Variants in HAO1 observed in about 807,000 individuals in gnomAD.
HAO1 encodes the protein 2-Hydroxyacid oxidase 1.
A neutral mutation model predicts 39.7 loss-of-function variants in HAO1; 34 were observed. That is an observed-to-expected ratio of 0.86 (90% confidence interval 0.65 to 1.14). The LOEUF is 1.14. Ranked by LOEUF, HAO1 falls within the 50% of genes most tolerant of loss-of-function variation. The pLI is 0.00. For synonymous variants in HAO1, 172 were observed against 173.2 expected (o/e 0.99, Z 0.05); for missense variants, 479 against 464.5 (o/e 1.03, Z -0.29).
At chr20:7,903,293 T>C (rs1437886128) in intron 4 of HAO1, among the ~76,000 whole-genome samples, 1 of 125,542 alleles carries the variant, frequency 8.0e-6, no homozygotes, top group Non-Finnish European at 1.6e-5. Flanking sequence ...TCCTTATCTT[T>C]TTTTTTTTTT....
chr20:7,903,850 T>TGTGGTAGCGGTGGTGGTGGTG lies in HAO1; in HGVS notation c.721+2283_721+2303dup, dbSNP rs1307607912. 3.7e-3 allele frequency among the ~76,000 whole-genome samples: 136 copies of TGTGGTAGCGGTGGTGGTGGTG among 36,916 alleles called. 2 individuals are homozygous for TGTGGTAGCGGTGGTGGTGGTG. Among genetic ancestry groups the TGTGGTAGCGGTGGTGGTGGTG allele is most frequent in the African/African-American group, 0.018 (120 of 6,746 alleles). The allele number at this position is 36,916 out of a possible 152,430, so 24.2% of individuals were successfully genotyped here. A position where few individuals can be genotyped will look rare whatever the true frequency, so the allele number is the denominator to read the frequency against. ...TGGTGGTTGTCCTGGTAATGGAGAT[T>TGTGGTAGCGGTGGTGGTGGTG]GTGGTAGCGGTGGTGGTGGTGGTGG... On this transcript the variant is annotated intron_variant, in intron 4 of 7. Transcript: ENST00000378789.
intron 7 of HAO1, among the ~76,000 whole-genome samples, chr20:7,885,044 AAAG>A (rs1404575909): frequency 6.6e-6 from 1 of 152,128 alleles, no homozygotes; most frequent in African/African-American, 2.4e-5. Flanking sequence ...GTGTGAGAGA[AAAG>A]AAGAGTCAAG....
intron 2 of HAO1, among the ~76,000 whole-genome samples, chr20:7,922,205 T>C (rs980735205): frequency 6.6e-6 from 1 of 152,112 alleles, no homozygotes; most frequent in Non-Finnish European, 1.5e-5. Context: ...AGAAGCTCAG[T>C]ATCACTAATT....
At chr20:7,899,920 A>T (rs1466494579) in intron 4 of HAO1, among the ~76,000 whole-genome samples, 1 of 152,170 alleles carries the variant, frequency 6.6e-6, no homozygotes, top group African/African-American at 2.4e-5. Flanking sequence ...GGGCAGTGGC[A>T]TTGTTTGCTA....
chr20:7,913,546 T>C (rs2050290589), intron 3 of HAO1, among the ~76,000 whole-genome samples: 4 of 152,194 alleles, frequency 2.6e-5, no homozygotes, highest in Admixed American at 1.3e-4. Context: ...AGGAAAGAGA[T>C]AATAATTCAC....
At chr20:7,909,385 A>ATATATATATATATATATATATATG (rs2050266466) in intron 3 of HAO1, among the ~76,000 whole-genome samples, 2 of 112,610 alleles carry the variant, frequency 1.8e-5, no homozygotes, top group African/African-American at 7.8e-5. Flanking sequence ...ATATGTATAT[A>ATATATATATATATATATATATATG]TATATATATA....
At chr20:7,889,695 T>G (rs569737448) in intron 5 of HAO1, among the ~76,000 whole-genome samples, 1 of 152,350 alleles carries the variant, frequency 6.6e-6, no homozygotes, top group East Asian at 1.9e-4. Context: ...TATATTAGCC[T>G]GGTGCAAAAG....
In HAO1 at chr20:7,932,644, AATATCATTCTACATTATTGCACTCTTCCT is replaced by A. The variant is rs538535000; in HGVS notation, c.289+1811_289+1839del. ...CTGATTTCTCACAATTTTAAATTAAAATATCATTCTACATTATTGCACTCTTCCTATAGTATAATTTTTAAATTTGATGT... is the reference window on the plus strand; with the variant it reads ...CTGATTTCTCACAATTTTAAATTAAAATAGTATAATTTTTAAATTTGATGT... On this transcript the variant is annotated intron_variant, in intron 2 of 7. Coordinates refer to ENST00000378789, the MANE Select transcript of HAO1 (RefSeq NM_017545.3). Among the ~76,000 whole-genome samples, 44 of 152,298 alleles carry A rather than the reference AATATCATTCTACATTATTGCACTCTTCCT, an allele frequency of 2.9e-4. No homozygotes were observed. The South Asian group carries it at 8.5e-3, about 29-fold the overall frequency.
intron 1 of HAO1, among the ~76,000 whole-genome samples, 199 bp downstream of exon 1, chr20:7,940,087 C>T (rs1043534615): frequency 6.6e-6 from 1 of 152,102 alleles, no homozygotes; most frequent in East Asian, 1.9e-4. Flanking sequence ...CAGTCAGTTC[C>T]TCAAGATTCA....
chr20:7,928,994 C>T (rs985909709), intron 2 of HAO1, among the ~76,000 whole-genome samples: 1 of 152,122 alleles, frequency 6.6e-6, no homozygotes, highest in Admixed American at 6.5e-5. Flanking sequence ...GATGTGGCTG[C>T]CCCCTTCTGA....
At chr20:7,906,510 A>T (rs1331944091) in intron 3 of HAO1, among the ~76,000 whole-genome samples, 181 bp from the exon 4 acceptor site, 1 of 152,140 alleles carries the variant, frequency 6.6e-6, no homozygotes, top group Admixed American at 6.5e-5. Context: ...TAAATGTGAT[A>T]CTCTAGTGGT....
intron 4 of HAO1, among the ~76,000 whole-genome samples, chr20:7,897,832 T>G (rs1474422203): frequency 6.6e-6 from 1 of 152,204 alleles, no homozygotes; most frequent in East Asian, 1.9e-4. Context: ...GATGCTAAAT[T>G]TTCCATTTAT....
chr20:7,913,445 T>G (rs16994134), intron 3 of HAO1, among the ~76,000 whole-genome samples: 1 of 151,962 alleles, frequency 6.6e-6, no homozygotes, highest in East Asian at 1.9e-4. Flanking sequence ...GGAAAAGAGG[T>G]GTATAGCTTA....
At chr20:7,929,736 T>C (rs1039643761) in intron 2 of HAO1, among the ~76,000 whole-genome samples, 5 of 152,102 alleles carry the variant, frequency 3.3e-5, no homozygotes, top group African/African-American at 4.8e-5. Context: ...TCGCGGTGCG[T>C]GCCTATAGTC....
intron 3 of HAO1, among the ~76,000 whole-genome samples, chr20:7,909,333 T>A (rs1600112244): frequency 7.0e-6 from 1 of 142,196 alleles, no homozygotes; most frequent in Non-Finnish European, 1.5e-5. Context: ...GAAACCTCCA[T>A]GAATGCTATT....
intron 5 of HAO1, among the ~76,000 whole-genome samples, chr20:7,891,135 A>G (rs6055369): frequency 0.12 from 18,407 of 152,198 alleles, 3,280 homozygotes; most frequent in African/African-American, 0.39. Context: ...TGTTTTCCAT[A>G]GTGGCTGTAC....
intron 2 of HAO1, among the ~76,000 whole-genome samples, chr20:7,927,475 C>T (rs2050364866): frequency 6.6e-6 from 1 of 152,108 alleles, no homozygotes; most frequent in Admixed American, 6.6e-5. Context: ...ATAAGATTTA[C>T]AACTATTAAA....
chr20:7,906,025 T>C (rs2122768048), intron 4 of HAO1, 129 bp downstream of exon 4: 1 of 719,330 alleles, frequency 1.4e-6, no homozygotes, highest in East Asian at 2.5e-5. Context: ...AAACAGAGAA[T>C]TGAGAGTTGG....
Position 7,914,304 on chromosome 20 carries a change from C to G in HAO1, c.405G>C (p.Lys135Asn). 6.2e-7 allele frequency: 1 copy of G among 1,614,064 alleles called. No homozygotes were observed. Among genetic ancestry groups the G allele is most frequent in the South Asian group, 1.1e-5 (1 of 91,082 alleles). The part of the protein sequence containing the change: ...ALRWLQLYIY[K>N]DREVTKKLVR... ...CTAGCTTCTTGGTGACTTCTCGGTC[C>G]TTGTAGATATACAGTTGCAGCCAAC... Residue 135 changes from lysine to asparagine, a missense_variant, in exon 3 of 8, where the codon AAG becomes AAC. Transcript: ENST00000378789.
Sources: allele counts gnomAD v4.1 joint callset (sites outside exome capture counted in the v4.1 genomes callset), GRCh38; gene constraint gnomAD v4.1.1; transcripts MANE v1.5; gene names NCBI Gene and HGNC (gene_info 2026-07-23, HGNC 2026-07-21).